RMDN2: variants seen among roughly 807,000 people sequenced by gnomAD.
The protein encoded by RMDN2 is regulator of microtubule dynamics 2.
A neutral mutation model predicts 52.8 loss-of-function variants in RMDN2; 61 were observed. The ratio of observed to expected loss-of-function variants is 1.16; its 90% CI spans 0.94 to 1.43. The LOEUF (loss-of-function observed/expected upper bound fraction) is 1.43. Among genes scored for constraint, RMDN2 ranks in the 40% most tolerant of loss-of-function variants. The probability of loss-of-function intolerance (pLI) is 0.00; values close to 1 mark genes in which losing one functional copy is unlikely to be tolerated. For missense variants in RMDN2, 592 were observed against 475.3 expected, an observed-to-expected ratio of 1.25 and a Z score of -2.28; for synonymous variants, 180 against 153.1, an observed-to-expected ratio of 1.18 and a Z score of -1.30.
chr2:37,967,273 T>C (rs1369828580), intron 2 of RMDN2, among the ~76,000 whole-genome samples: 1 of 152,236 alleles, frequency 6.6e-6, no homozygotes, highest in African/African-American at 2.4e-5. Context: ...AAACTTTCCA[T>C]TGAATGGGTG....
At chr2:37,984,236 G>A (rs563303981) in intron 5 of RMDN2, among the ~76,000 whole-genome samples, 6 of 152,178 alleles carry the variant, frequency 3.9e-5, no homozygotes, top group Middle Eastern at 3.4e-3. Flanking sequence ...AGTTGTTTTT[G>A]TTCTACTGAC....
chr2:38,060,104 TTTTATTTTA>T (rs1681986031), intron 10 of RMDN2, among the ~76,000 whole-genome samples: 2 of 140,570 alleles, frequency 1.4e-5, no homozygotes, highest in Admixed American at 1.4e-4. Context: ...TTTTATTTTA[TTTTATTTTA>T]TTTTATTTTT....
At chr2:37,977,570 C>T (rs962353015) in intron 4 of RMDN2, among the ~76,000 whole-genome samples, 32 of 151,194 alleles carry the variant, frequency 2.1e-4, no homozygotes, top group African/African-American at 6.3e-4. Flanking sequence ...CCAGATGGGG[C>T]GGCTGCTGGG....
At chr2:37,933,114 C>A (rs183422597) in intron 2 of RMDN2, among the ~76,000 whole-genome samples, 1 of 151,936 alleles carries the variant, frequency 6.6e-6, no homozygotes, top group Admixed American at 6.5e-5. Context: ...TGGGCAGAGA[C>A]GCTCCTCACA....
intron 2 of RMDN2, among the ~76,000 whole-genome samples, chr2:37,937,190 G>T (rs548237669): frequency 6.6e-6 from 1 of 152,044 alleles, no homozygotes; most frequent in African/African-American, 2.4e-5. Flanking sequence ...TTTTTGTCAG[G>T]TTTGTCAAAG....
chr2:38,037,905 G>A (rs115535680), intron 10 of RMDN2, among the ~76,000 whole-genome samples: 4 of 152,320 alleles, frequency 2.6e-5, no homozygotes, highest in East Asian at 1.9e-4. Context: ...CGTGAGCTGA[G>A]TCACATCCAG....
Position 37,989,703 on chromosome 2 carries a change from C to CA in RMDN2, c.867+88dup. ...AATAATAAAAATGTTTTAATGTAGC[C>CA]ATATGTTCCATCAATGGGTATAAAC... On this transcript the variant is annotated intron_variant, in intron 6 of 10. Transcript: ENST00000354545. The CA allele has an allele frequency of 1.4e-5, 12 of 870,702 alleles. No individual in the cohort carries two copies. In the South Asian group the frequency reaches 2.0e-4, roughly 14 times the overall value. 53.9% of individuals were successfully genotyped at this position (870,702 alleles called of 1,614,324 possible).
intron 7 of RMDN2, among the ~76,000 whole-genome samples, chr2:37,995,308 G>T (rs1675365753): frequency 6.9e-6 from 1 of 144,096 alleles, no homozygotes; most frequent in African/African-American, 2.6e-5. Flanking sequence ...TATACCCCCT[G>T]AAGAAGAGGG....
chr2:38,000,352 T>C (rs2125174449), intron 8 of RMDN2, among the ~76,000 whole-genome samples: 1 of 152,312 alleles, frequency 6.6e-6, no homozygotes, highest in South Asian at 2.1e-4. Context: ...AAGTATAGTT[T>C]ATAAGCAATA....
intron 2 of RMDN2, chr2:37,951,804 C>T (rs939707723): frequency 6.2e-7 from 1 of 1,613,608 alleles, no homozygotes; most frequent in Non-Finnish European, 8.5e-7. Context: ...CACTACTTCT[C>T]CAGCCTTTGG....
chr2:37,968,724 T>C (rs1258638905), intron 2 of RMDN2, among the ~76,000 whole-genome samples: 5 of 152,170 alleles, frequency 3.3e-5, no homozygotes, highest in African/African-American at 1.2e-4. Context: ...ACCAGAAAAG[T>C]GCATGTAGAA....
intron 10 of RMDN2, among the ~76,000 whole-genome samples, chr2:38,045,101 A>G (rs1681191937): frequency 6.6e-6 from 1 of 152,116 alleles, no homozygotes. Flanking sequence ...ATGTTAATTT[A>G]TTAAAAGAGA....
At chr2:37,957,854 T>C (rs986066798) in intron 2 of RMDN2, among the ~76,000 whole-genome samples, 10 of 152,212 alleles carry the variant, frequency 6.6e-5, no homozygotes, top group Non-Finnish European at 1.2e-4. Flanking sequence ...AGTTTCAGTT[T>C]TCTGCATATG....
chr2:37,940,137 G>A (rs147627833), intron 2 of RMDN2, among the ~76,000 whole-genome samples: 5 of 152,226 alleles, frequency 3.3e-5, no homozygotes, highest in African/African-American at 7.2e-5. Flanking sequence ...TTCTTCACTT[G>A]TGAAGCTTAG....
intron 7 of RMDN2, among the ~76,000 whole-genome samples, chr2:37,994,617 A>C (rs1251748758): frequency 6.6e-6 from 1 of 152,242 alleles, no homozygotes; most frequent in African/African-American, 2.4e-5. Flanking sequence ...TAGTCATTAG[A>C]AAAATGCAAA....
At position 37,957,047 on chromosome 2, in the gene RMDN2, G is replaced by C. The variant is rs531581464; in HGVS notation, c.453-16993G>C. ...CTATGTGCCACATTTTCTTTATTCA[G>C]TCTATCACTCATGGGCATTTGAGTT... On this transcript the variant is annotated intron_variant, in intron 2 of 10. Coordinates refer to ENST00000354545, the MANE Select transcript of RMDN2 (RefSeq NM_001170791.3). Among the ~76,000 whole-genome samples, 9 of 152,298 alleles carry C rather than the reference G, an allele frequency of 5.9e-5. No individual in the cohort carries two copies. In the South Asian group the frequency reaches 1.9e-3, roughly 32 times the overall value.
intron 5 of RMDN2, 150 bp downstream of exon 5, chr2:37,981,493 T>C: frequency 1.7e-6 from 1 of 573,582 alleles, no homozygotes; most frequent in Non-Finnish European, 3.1e-6. Context: ...ACTGTTCTTA[T>C]TCTGTTTATT....
downstream of RMDN2, among the ~76,000 whole-genome samples, chr2:38,021,419 C>T (rs1013598883): frequency 1.1e-4 from 17 of 152,048 alleles, no homozygotes; most frequent in African/African-American, 4.1e-4. Flanking sequence ...TTTTTTTGCT[C>T]TTTGCAATAA....
At chr2:38,048,670 A>G (rs1362336665) in intron 10 of RMDN2, among the ~76,000 whole-genome samples, 1 of 152,242 alleles carries the variant, frequency 6.6e-6, no homozygotes, top group Admixed American at 6.5e-5. Flanking sequence ...GACAAACAAC[A>G]GAACCACCAG....
Sources: allele counts gnomAD v4.1 joint callset (sites outside exome capture counted in the v4.1 genomes callset), GRCh38; gene constraint gnomAD v4.1.1; transcripts MANE v1.5; gene names NCBI Gene and HGNC (gene_info 2026-07-23, HGNC 2026-07-21).